The following NECTIN1 variants were observed in gnomAD, a reference collection of about 807,000 sequenced individuals.
The protein encoded by NECTIN1 is nectin cell adhesion molecule 1.
NECTIN1 carries 23 observed loss-of-function variants against 48.0 expected under a neutral mutation model. The ratio of observed to expected loss-of-function variants is 0.48; its 90% CI spans 0.34 to 0.68. NECTIN1 has a LOEUF of 0.68. Among genes scored for constraint, NECTIN1 ranks in the 30% least tolerant of loss-of-function variants. NECTIN1 has a pLI of 0.01. For missense variants in NECTIN1, 591 were observed against 709.9 expected (o/e 0.83, Z 1.90); for synonymous variants, 270 against 288.9 (o/e 0.93, Z 0.66).
chr11:119,721,463 G>A (rs375763794), intron 1 of NECTIN1, among the ~76,000 whole-genome samples: 13 of 152,314 alleles, frequency 8.5e-5, no homozygotes, highest in African/African-American at 2.4e-4. Context: ...CCCAACTCCC[G>A]AAGCTGTGTC....
intron 1 of NECTIN1, among the ~76,000 whole-genome samples, chr11:119,682,642 C>T (rs1325133107): frequency 6.6e-6 from 1 of 152,192 alleles, no homozygotes; most frequent in African/African-American, 2.4e-5. Context: ...ATTATAATAG[C>T]TAATACCTGC....
intron 5 of NECTIN1, among the ~76,000 whole-genome samples, chr11:119,647,449 G>A (rs986960699): frequency 5.9e-5 from 9 of 151,976 alleles, no homozygotes; most frequent in Non-Finnish European, 1.2e-4. Context: ...GGGATTTCAC[G>A]CACATTCCTG....
At chr11:119,644,680 C>T (rs1008116607) in intron 5 of NECTIN1, among the ~76,000 whole-genome samples, 29 of 152,170 alleles carry the variant, frequency 1.9e-4, no homozygotes, top group African/African-American at 6.8e-4. Flanking sequence ...GAGCAGGGGG[C>T]CTTCTGAACA....
chr11:119,673,198 A>C lies in NECTIN1; in HGVS notation c.1003+1961T>G, dbSNP rs1209552313. Among the ~76,000 whole-genome samples the C allele has an allele frequency of 6.6e-6, 1 of 152,086 alleles. No individual in the cohort carries two copies. The highest frequency in any genetic ancestry group is 1.9e-4 in the East Asian group (1 of 5,170). On this transcript the variant is annotated intron_variant, in intron 5 of 5. Coordinates refer to ENST00000264025, the MANE Select transcript of NECTIN1 (RefSeq NM_002855.5). The surrounding 1 kb of genome is among the most constrained non-coding windows in gnomAD (Gnocchi z 5.8). Reference sequence around the variant, plus strand: ...TGGTGAGGTCAGCTGCTGCTTGGAAATTGCCTGAGAGCACAAGAACAAACA... The same window carrying C: ...TGGTGAGGTCAGCTGCTGCTTGGAACTTGCCTGAGAGCACAAGAACAAACA...
chr11:119,718,504 G>A (rs1865779789), intron 1 of NECTIN1, among the ~76,000 whole-genome samples: 1 of 152,216 alleles, frequency 6.6e-6, no homozygotes, highest in African/African-American at 2.4e-5. Context: ...CTCTGGGTGA[G>A]GGCAAGAGGG....
chr11:119,691,496 A>C (rs920293280), intron 1 of NECTIN1, among the ~76,000 whole-genome samples: 1 of 152,208 alleles, frequency 6.6e-6, no homozygotes, highest in Admixed American at 6.5e-5. Context: ...GTCTGCCTGC[A>C]GGGGGCACGG....
chr11:119,716,776 G>T (rs138762886), intron 1 of NECTIN1, among the ~76,000 whole-genome samples: 2 of 152,236 alleles, frequency 1.3e-5, no homozygotes, highest in South Asian at 2.1e-4. Flanking sequence ...AACCCCAGGA[G>T]GGGGGTGAGG....
rs1462984338 is a variant in NECTIN1, at chr11:119,664,092, T to C, written c.*655A>G. The C allele has an allele frequency of 2.0e-6, 2 of 985,200 alleles. No individual in the cohort carries two copies. The highest frequency in any genetic ancestry group is 1.2e-6 in the Non-Finnish European group (1 of 830,008). 61.0% of individuals were successfully genotyped at this position (985,200 alleles called of 1,614,324 possible). The stretch of plus-strand genomic sequence containing the variant: ...GCCAACTCCACTCTCTGTGGGCCAA[T>C]GAGGAAAAAAAATGTAAAACCACCC... On this transcript the variant is annotated 3_prime_UTR_variant, in exon 6 of 6. Transcript: ENST00000264025.
intron 5 of NECTIN1, among the ~76,000 whole-genome samples, chr11:119,666,086 T>C (rs961722701): frequency 1.3e-4 from 20 of 152,110 alleles, no homozygotes; most frequent in Admixed American, 6.5e-4. Context: ...GGGTTATAAG[T>C]GTAAGACACC....
chr11:119,664,878 C>G lies in NECTIN1; in HGVS notation c.1423G>C (p.Glu475Gln), dbSNP rs371752868. 3 of 1,614,050 alleles carry G rather than the reference C, an allele frequency of 1.9e-6. No homozygotes were observed. The highest frequency in any genetic ancestry group is 1.1e-5 in the South Asian group (1 of 91,074). ...KRPYFTVDEA[E>Q]ARQDGYGDRT... ...TCCCCGTAGCCGTCCTGACGGGCCTCGGCCTCATCCACGGTGAAGTAGGGC... is the reference window on the plus strand; with the variant it reads ...TCCCCGTAGCCGTCCTGACGGGCCTGGGCCTCATCCACGGTGAAGTAGGGC... Residue 475 changes from glutamate (E) to glutamine (Q), a missense_variant, in exon 6 of 6, where the codon GAG (glutamate) becomes CAG (glutamine). Glu to Gln is a conservative substitution (Grantham distance 29). Coordinates refer to ENST00000264025, the MANE Select transcript of NECTIN1 (RefSeq NM_002855.5).
intron 6 of NECTIN1, among the ~76,000 whole-genome samples, chr11:119,639,162 T>C (rs1168379338): frequency 1.3e-5 from 2 of 151,962 alleles, no homozygotes; most frequent in African/African-American, 2.4e-5. Context: ...GTGCACGGTA[T>C]GCGGCACCGA....
At chr11:119,704,767 C>T (rs60466919) in intron 1 of NECTIN1, among the ~76,000 whole-genome samples, 1,811 of 152,274 alleles carry the variant, frequency 0.012, 36 homozygotes, top group African/African-American at 0.042. Flanking sequence ...GGGAGGCTCT[C>T]TCCGGGCAGG....
At chr11:119,690,708 C>T (rs1479707030) in intron 1 of NECTIN1, among the ~76,000 whole-genome samples, 1 of 152,168 alleles carries the variant, frequency 6.6e-6, no homozygotes, top group Non-Finnish European at 1.5e-5. Flanking sequence ...AGAGGGGAGA[C>T]CAGCCCGTGC....
intron 5 of NECTIN1, among the ~76,000 whole-genome samples, chr11:119,655,016 T>G (rs1340228580): frequency 1.3e-5 from 2 of 152,072 alleles, no homozygotes; most frequent in Admixed American, 1.3e-4. Context: ...ATCTAGCGAT[T>G]CTCCGGCCTC....
intron 5 of NECTIN1, among the ~76,000 whole-genome samples, chr11:119,651,633 T>C (rs897086771): frequency 2.0e-5 from 3 of 152,072 alleles, no homozygotes; most frequent in Admixed American, 2.0e-4. Flanking sequence ...CAGTGAGGGA[T>C]GAGACCATGC....
chr11:119,683,983 C>T lies in NECTIN1; in HGVS notation c.80-5218G>A, dbSNP rs1198868850. On this transcript the variant is annotated intron_variant, in intron 1 of 5. Coordinates refer to ENST00000264025, the MANE Select transcript of NECTIN1 (RefSeq NM_002855.5). This position sits in a 1 kb window ranked among gnomAD's most constrained non-coding sequence, Gnocchi z 4.0. Reference sequence around the variant, plus strand: ...CAAACGCCTGAGCTCAGCAACAAAACACAAAGACTCCTCAGTTGTGGCGGA... The same window carrying T: ...CAAACGCCTGAGCTCAGCAACAAAATACAAAGACTCCTCAGTTGTGGCGGA... Among the ~76,000 whole-genome samples, 2 of 152,314 alleles carry T rather than the reference C, an allele frequency of 1.3e-5. No homozygotes were observed. The highest frequency in any genetic ancestry group is 4.1e-4 in the South Asian group (2 of 4,830).
At chr11:119,669,931 T>C (rs572071558) in intron 5 of NECTIN1, among the ~76,000 whole-genome samples, 2 of 152,074 alleles carry the variant, frequency 1.3e-5, no homozygotes, top group African/African-American at 4.8e-5. Flanking sequence ...CTCTCTTTTT[T>C]TCCTCCTCAA....
chr11:119,668,993 T>C (rs1243887342), intron 5 of NECTIN1, among the ~76,000 whole-genome samples: 4 of 152,246 alleles, frequency 2.6e-5, no homozygotes, highest in African/African-American at 9.6e-5. Flanking sequence ...AAAGCTCTCC[T>C]ACATCTTCCT....
chr11:119,685,382 G>A (rs963837202), intron 1 of NECTIN1, among the ~76,000 whole-genome samples: 4 of 152,324 alleles, frequency 2.6e-5, no homozygotes, highest in East Asian at 1.9e-4. Flanking sequence ...GAGGGGGCAC[G>A]GCGGCCTGGG....
Sources: gnomAD v4.1 joint callset for allele counts (sites outside exome capture counted in the v4.1 genomes callset) on GRCh38, gnomAD v4.1.1 for gene constraint, Gnocchi (gnomAD v3.1) non-coding constraint, MANE v1.5 for transcripts, NCBI Gene and HGNC (gene_info 2026-07-23, HGNC 2026-07-21) for gene names.